The following OR1J2 variants were observed in gnomAD, a reference collection of about 807,000 sequenced individuals.
The protein encoded by OR1J2 is olfactory receptor family 1 subfamily J member 2, also known as olfactory receptor 1J2.
For synonymous variants in OR1J2, 142 were observed against 99.7 expected (o/e 1.42, Z -2.52); for missense variants, 304 against 246.1 (o/e 1.24, Z -1.57).
At chr9:122,569,540 T>TTTTTTTTGCAATTAAAGTTTTTG in the OR1J2 span, among the ~76,000 whole-genome samples, 3 of 152,112 alleles carry the variant, frequency 2.0e-5, no homozygotes, top group South Asian at 2.1e-4. Flanking sequence ...ACCTTGTGAA[T>TTTTTTTTGCAATTAAAGTTTTTG]AGGCATATTA....
chr9:122,553,397 G>T, the OR1J2 span: 5 of 1,614,024 alleles, frequency 3.1e-6, no homozygotes, highest in Admixed American at 6.7e-5. Context: ...ATACTCCCAT[G>T]TACTTCTTTC....
At chr9:122,577,705 T>G in the OR1J2 span, among the ~76,000 whole-genome samples, 1 of 152,322 alleles carries the variant, frequency 6.6e-6, no homozygotes, top group Middle Eastern at 3.4e-3. Context: ...TCACAATAAC[T>G]CTGTAGAGAA....
the OR1J2 span, among the ~76,000 whole-genome samples, chr9:122,533,324 G>A: frequency 6.6e-6 from 1 of 152,218 alleles, no homozygotes; most frequent in Admixed American, 6.5e-5. Context: ...AGGCCATGCT[G>A]TAACAGGCGA....
the OR1J2 span, among the ~76,000 whole-genome samples, chr9:122,501,351 G>A: frequency 6.6e-6 from 1 of 152,040 alleles, no homozygotes; most frequent in East Asian, 1.9e-4. Flanking sequence ...GTGTCTTCTT[G>A]GTCTTTGTGC....
At chr9:122,496,223 T>C in the OR1J2 span, among the ~76,000 whole-genome samples, 25 of 152,164 alleles carry the variant, frequency 1.6e-4, no homozygotes, top group Non-Finnish European at 3.5e-4. Flanking sequence ...ATGGGGAGGA[T>C]GCAAACTTGC....
the OR1J2 span, among the ~76,000 whole-genome samples, chr9:122,530,956 C>T: frequency 0.98 from 149,762 of 152,310 alleles, 73,639 homozygotes; most frequent in East Asian, 1. Context: ...GATGTGTACG[C>T]GCAGGTCACA....
the OR1J2 span, among the ~76,000 whole-genome samples, chr9:122,531,766 G>A: frequency 2.2e-3 from 331 of 152,304 alleles, 1 homozygote; most frequent in African/African-American, 7.5e-3. Context: ...TGATTTGACT[G>A]ATAAAGGCTG....
chr9:122,498,670 T>G, the OR1J2 span, among the ~76,000 whole-genome samples: 2 of 152,210 alleles, frequency 1.3e-5, no homozygotes, highest in African/African-American at 4.8e-5. Context: ...GGAGATCTAG[T>G]GCAATCCTTT....
the OR1J2 span, chr9:122,572,905 T>C: frequency 6.6e-6 from 1 of 152,250 alleles, no homozygotes; most frequent in Non-Finnish European, 1.5e-5. Context: ...TCTGAACTTC[T>C]GGACTAATTA....
the OR1J2 span, among the ~76,000 whole-genome samples, chr9:122,575,119 A>C: frequency 6.6e-6 from 1 of 152,224 alleles, no homozygotes; most frequent in South Asian, 2.1e-4. Flanking sequence ...GTTTAGAGTT[A>C]TGCATGTATG....
chr9:122,493,546 T>C, the OR1J2 span, among the ~76,000 whole-genome samples: 2 of 152,156 alleles, frequency 1.3e-5, no homozygotes, highest in Non-Finnish European at 2.9e-5. Flanking sequence ...TCAGTGGTAA[T>C]AGCTCCCATT....
the OR1J2 span, chr9:122,449,047 CA>C: frequency 6.7e-6 from 1 of 148,992 alleles, no homozygotes; most frequent in African/African-American, 2.5e-5. Context: ...GACGTTTCTG[CA>C]AGGTGAGTAT....
chr9:122,460,639 T>C, the OR1J2 span, among the ~76,000 whole-genome samples: 1 of 152,194 alleles, frequency 6.6e-6, no homozygotes, highest in Non-Finnish European at 1.5e-5. Context: ...TTTTATTTAG[T>C]TCTGTAAAGA....
the OR1J2 span, among the ~76,000 whole-genome samples, chr9:122,482,631 A>C: frequency 1.8e-4 from 27 of 152,328 alleles, no homozygotes; most frequent in African/African-American, 6.5e-4. Context: ...TCAGTGGATA[A>C]ATGGATAAAG....
the OR1J2 span, among the ~76,000 whole-genome samples, chr9:122,504,741 A>G: frequency 2.0e-5 from 3 of 152,070 alleles, no homozygotes; most frequent in African/African-American, 7.2e-5. Flanking sequence ...CACCACAGGT[A>G]CCTTTGTCTT....
chr9:122,526,614 C>T, the OR1J2 span: 45,949 of 1,614,042 alleles, frequency 0.028, 3,274 homozygotes, highest in East Asian at 0.33. Context: ...ACCACGGGTT[C>T]GGACCCTCAG....
the OR1J2 span, among the ~76,000 whole-genome samples, chr9:122,460,886 G>A: frequency 6.6e-6 from 1 of 152,054 alleles, no homozygotes; most frequent in Admixed American, 6.6e-5. Context: ...TTGTAAAAGA[G>A]GTTGAGTTCT....
chr9:122,477,559 T>A, the OR1J2 span: 41 of 1,613,854 alleles, frequency 2.5e-5, no homozygotes, highest in Non-Finnish European at 3.5e-5. Context: ...GATGGCCACA[T>A]ACCTGTCATA....
At chr9:122,485,985 AG>A in the OR1J2 span, among the ~76,000 whole-genome samples, 1 of 131,890 alleles carries the variant, frequency 7.6e-6, no homozygotes, top group African/African-American at 2.9e-5. Flanking sequence ...TTTGAGGTGG[AG>A]TCTCTGTCAC....
Sources: allele counts gnomAD v4.1 joint callset (sites outside exome capture counted in the v4.1 genomes callset), GRCh38; gene constraint gnomAD v4.1.1; transcripts MANE v1.5; gene names NCBI Gene and HGNC (gene_info 2026-07-23, HGNC 2026-07-21).